Variants in RHPN2 observed in about 807,000 individuals in gnomAD.
RHPN2 encodes rhophilin Rho GTPase binding protein 2, also known as rhophilin-2.
Under a neutral mutation model 79.0 loss-of-function variants are expected in RHPN2, and 40 were observed. The ratio of observed to expected loss-of-function variants is 0.51; its 90% CI spans 0.39 to 0.66. The LOEUF (loss-of-function observed/expected upper bound fraction) is 0.66. RHPN2 is among the 30% of genes least tolerant of loss of function. The probability of loss-of-function intolerance (pLI) is 0.00; values close to 1 mark genes in which losing one functional copy is unlikely to be tolerated. For missense variants in RHPN2, 686 were observed against 883.5 expected, an observed-to-expected ratio of 0.78 and a Z score of 2.83; for synonymous variants, 285 against 363.5, an observed-to-expected ratio of 0.78 and a Z score of 2.46.
intron 2 of RHPN2, among the ~76,000 whole-genome samples, chr19:33,037,454 C>T (rs1324168512): frequency 1.3e-5 from 2 of 152,200 alleles, no homozygotes; most frequent in African/African-American, 4.8e-5. Flanking sequence ...GGTCCCTTTC[C>T]ACACTGTGGA....
chr19:33,063,299 T>C (rs1295300196), intron 1 of RHPN2, among the ~76,000 whole-genome samples: 1 of 151,724 alleles, frequency 6.6e-6, no homozygotes, highest in African/African-American at 2.4e-5. Flanking sequence ...AAAAGCAACT[T>C]CACAAAAAAG....
intron 1 of RHPN2, among the ~76,000 whole-genome samples, chr19:33,053,692 A>T (rs1972208155): frequency 6.6e-6 from 1 of 152,030 alleles, no homozygotes; most frequent in African/African-American, 2.4e-5. Flanking sequence ...AAGTGCTGGG[A>T]TTACAGGCGT....
In RHPN2 at chr19:32,991,915, G is replaced by C. The variant is rs79314177; in HGVS notation, c.1552C>G (p.Arg518Gly). 6.2e-7 allele frequency: 1 copy of C among 1,613,924 alleles called. No homozygotes were observed. The highest frequency in any genetic ancestry group is 8.5e-7 in the Non-Finnish European group (1 of 1,179,836). The change falls in exon 13 of 15, where the codon CGC (arginine) becomes GGC (glycine). Residue 518 changes from arginine (R) to glycine (G), a missense_variant. Physicochemically the swap from Arg to Gly is moderately radical, Grantham distance 125. Transcript: ENST00000254260. ...NKRWTPPRSIRFTAEEGDLGF... is the reference protein window; with the variant it reads ...NKRWTPPRSIGFTAEEGDLGF... The stretch of plus-strand genomic sequence containing the variant: ...AAGTCCCCTTCTTCTGCAGTGAAGC[G>C]GATGCTTCGAGGAGGCGTCCACCGC...
At chr19:33,008,675 C>T (rs1251625389) in intron 6 of RHPN2, among the ~76,000 whole-genome samples, 6 of 152,056 alleles carry the variant, frequency 3.9e-5, no homozygotes, top group Admixed American at 1.3e-4. Flanking sequence ...GAGGCTGAGG[C>T]GGAAGAATCA....
intron 3 of RHPN2, among the ~76,000 whole-genome samples, chr19:33,025,423 A>G (rs1971958029): frequency 6.6e-6 from 1 of 151,884 alleles, no homozygotes; most frequent in Non-Finnish European, 1.5e-5. Context: ...TGGAGATTGC[A>G]GTGAGCTGAG....
chr19:32,982,110 T>C (rs902685403), intron 14 of RHPN2, among the ~76,000 whole-genome samples: 18 of 152,116 alleles, frequency 1.2e-4, no homozygotes, highest in African/African-American at 4.3e-4. Context: ...TTGTTCCTAA[T>C]ATAAACCCTA....
chr19:32,981,166 T>C (rs1971570928), intron 14 of RHPN2, among the ~76,000 whole-genome samples: 1 of 152,042 alleles, frequency 6.6e-6, no homozygotes, highest in African/African-American at 2.4e-5. Flanking sequence ...ATAGTAACAA[T>C]TTAAGCTTAG....
intron 2 of RHPN2, among the ~76,000 whole-genome samples, chr19:33,037,439 G>C (rs1972067660): frequency 6.6e-6 from 1 of 152,184 alleles, no homozygotes; most frequent in Non-Finnish European, 1.5e-5. Flanking sequence ...GTAGCAACCT[G>C]CTCTGGTCCC....
intron 14 of RHPN2, among the ~76,000 whole-genome samples, chr19:32,985,787 A>G (rs1454503066): frequency 2.0e-5 from 3 of 152,282 alleles, no homozygotes; most frequent in African/African-American, 7.2e-5. Context: ...ATGCACCACC[A>G]CATCCTGCTA....
chr19:33,049,466 G>A (rs946999513), intron 1 of RHPN2, among the ~76,000 whole-genome samples: 50 of 152,160 alleles, frequency 3.3e-4, no homozygotes, highest in African/African-American at 1.2e-3. Flanking sequence ...ACTGGAGTGA[G>A]GGTTTGCACC....
chr19:33,056,822 A>C (rs1972236306), intron 1 of RHPN2, among the ~76,000 whole-genome samples: 1 of 151,982 alleles, frequency 6.6e-6, no homozygotes, highest in Admixed American at 6.6e-5. Context: ...AAAGAGTTCG[A>C]GACCAGGCCG....
intron 7 of RHPN2, among the ~76,000 whole-genome samples, chr19:33,007,355 C>T (rs193199226): frequency 1.3e-5 from 2 of 151,914 alleles, no homozygotes; most frequent in African/African-American, 2.4e-5. Context: ...GGTGTGGTGG[C>T]GGGTGCCTGT....
At chr19:33,013,652 AG>A (rs1158688325) in intron 4 of RHPN2, among the ~76,000 whole-genome samples, 1 of 152,046 alleles carries the variant, frequency 6.6e-6, no homozygotes, top group Non-Finnish European at 1.5e-5. Flanking sequence ...CAGGAGTTCG[AG>A]ACCAGTCTAT....
At chr19:33,004,430 G>A (rs1971774629) in intron 7 of RHPN2, among the ~76,000 whole-genome samples, 1 of 152,032 alleles carries the variant, frequency 6.6e-6, no homozygotes, top group South Asian at 2.1e-4. Flanking sequence ...CCATTGAACT[G>A]CACACTTAAA....
intron 2 of RHPN2, among the ~76,000 whole-genome samples, chr19:33,029,543 A>AG (rs1209711186): frequency 8.6e-5 from 13 of 151,998 alleles, no homozygotes; most frequent in East Asian, 7.7e-4. Flanking sequence ...AAAAAAAAAA[A>AG]AAGAAGAAGA....
At chr19:33,037,592 A>AAACCCACCGG (rs1412741909) in intron 2 of RHPN2, among the ~76,000 whole-genome samples, 2 of 152,158 alleles carry the variant, frequency 1.3e-5, no homozygotes, top group Non-Finnish European at 2.9e-5. Flanking sequence ...GCGAGACCAC[A>AAACCCACCGG]AACCCACCGG....
Position 33,008,121 on chromosome 19 carries a change from C to T in RHPN2, c.653G>A (p.Ser218Asn), listed in dbSNP as rs1568314552. 6 of 1,614,134 alleles carry T rather than the reference C, an allele frequency of 3.7e-6. No individual in the cohort carries two copies. Among genetic ancestry groups the T allele is most frequent in the Non-Finnish European group, 5.1e-6 (6 of 1,180,028 alleles). Residue 218 changes from serine (S) to asparagine (N), a missense_variant, in exon 7 of 15, where the codon AGT becomes AAT. Coordinates refer to ENST00000254260, the MANE Select transcript of RHPN2 (RefSeq NM_033103.5). ...SQQNLLLEKASVLFNTGALYT... is the reference protein window; with the variant it reads ...SQQNLLLEKANVLFNTGALYT... ...GAGGGCCCCAGTGTTGAACAGGACA[C>T]TGGCCTTCTCCAGCAGCAGGTTCTG...
intron 1 of RHPN2, among the ~76,000 whole-genome samples, chr19:33,062,021 A>G (rs1212068389): frequency 6.6e-6 from 1 of 152,132 alleles, no homozygotes; most frequent in African/African-American, 2.4e-5. Context: ...AAGATTCAGC[A>G]TCAACACCTT....
At chr19:32,999,960 C>A (rs1479034730) in intron 9 of RHPN2, among the ~76,000 whole-genome samples, 7 of 152,126 alleles carry the variant, frequency 4.6e-5, no homozygotes, top group African/African-American at 2.4e-5. Flanking sequence ...GCCTTGAACT[C>A]CTGGGCTCAA....
Sources: allele counts gnomAD v4.1 joint callset (sites outside exome capture counted in the v4.1 genomes callset), GRCh38; gene constraint gnomAD v4.1.1; transcripts MANE v1.5; gene names NCBI Gene and HGNC (gene_info 2026-07-23, HGNC 2026-07-21).